Variants in AGBL4 observed in about 807,000 individuals in gnomAD.
AGBL4 encodes AGBL carboxypeptidase 4.
In AGBL4, 58 loss-of-function variants were observed where a neutral mutation model predicts 66.4. The ratio of observed to expected loss-of-function variants is 0.87; its 90% CI spans 0.71 to 1.09. The LOEUF is 1.09. Among genes scored for constraint, AGBL4 ranks in the 50% least tolerant of loss-of-function variants. AGBL4 has a pLI of 0.00. For synonymous variants in AGBL4, 234 were observed against 222.9 expected (o/e 1.05, Z -0.44); for missense variants, 579 against 631.0 (o/e 0.92, Z 0.88).
intron 4 of AGBL4, among the ~76,000 whole-genome samples, chr1:49,231,631 C>A (rs1650317352): frequency 6.6e-6 from 1 of 152,176 alleles, no homozygotes; most frequent in African/African-American, 2.4e-5. Flanking sequence ...GGTGCACATA[C>A]ACATTACTCA....
At chr1:49,944,768 T>C (rs917189773) in intron 1 of AGBL4, among the ~76,000 whole-genome samples, 1 of 150,758 alleles carries the variant, frequency 6.6e-6, no homozygotes, top group South Asian at 2.1e-4. Context: ...ATAAAGGAGG[T>C]ACCAGAAAAA....
At chr1:49,135,277 T>A (rs1163770629) in intron 4 of AGBL4, among the ~76,000 whole-genome samples, 1 of 152,106 alleles carries the variant, frequency 6.6e-6, no homozygotes, top group Non-Finnish European at 1.5e-5. Flanking sequence ...TATGAAAAAA[T>A]TGTTTTAAAA....
intron 6 of AGBL4, among the ~76,000 whole-genome samples, chr1:48,684,579 C>T (rs1174510043): frequency 1.3e-5 from 2 of 152,224 alleles, no homozygotes; most frequent in South Asian, 4.1e-4. Context: ...CTTGGAAGCC[C>T]GGAAGAAGGA....
In AGBL4 at chr1:49,948,025, T is replaced by A. The variant is rs1278091479; in HGVS notation, c.34+75738A>T. On this transcript the variant is annotated intron_variant, in intron 1 of 13. Transcript: ENST00000371839. The stretch of plus-strand genomic sequence containing the variant: ...ATATATATAAATATATAAATATATA[T>A]AAATATATATACATATAAATATATA... Among the ~76,000 whole-genome samples the A allele has an allele frequency of 2.2e-3, 145 of 65,338 alleles. 4 individuals carry two copies. The highest frequency in any genetic ancestry group is 0.011 in the African/African-American group (131 of 12,420). 42.9% of individuals were successfully genotyped at this position (65,338 alleles called of 152,430 possible). A position where few individuals can be genotyped will look rare whatever the true frequency, so the allele number is the denominator to read the frequency against.
chr1:49,964,031 C>T (rs1341517434), intron 1 of AGBL4, among the ~76,000 whole-genome samples: 7 of 152,114 alleles, frequency 4.6e-5, no homozygotes, highest in South Asian at 2.1e-4. Flanking sequence ...AAAGAAAAGG[C>T]TAACTTCAAG....
intron 3 of AGBL4, among the ~76,000 whole-genome samples, chr1:49,518,744 G>T (rs1264661930): frequency 6.6e-6 from 1 of 152,078 alleles, no homozygotes; most frequent in Non-Finnish European, 1.5e-5. Context: ...TCATTCTCAT[G>T]ATTAAAAGAT....
At chr1:49,496,732 T>C (rs1647618059) in intron 3 of AGBL4, among the ~76,000 whole-genome samples, 1 of 152,094 alleles carries the variant, frequency 6.6e-6, no homozygotes, top group African/African-American at 2.4e-5. Context: ...TAGTATTCCA[T>C]TGTGTATGTA....
intron 6 of AGBL4, among the ~76,000 whole-genome samples, chr1:48,705,401 A>G (rs1229276849): frequency 3.3e-5 from 5 of 152,218 alleles, no homozygotes; most frequent in African/African-American, 9.7e-5. Context: ...TGCAACTTAC[A>G]AGAGATAAAT....
intron 1 of AGBL4, among the ~76,000 whole-genome samples, chr1:49,878,072 A>G (rs906238361): frequency 1.8e-4 from 27 of 150,940 alleles, no homozygotes; most frequent in Admixed American, 1.3e-3. Context: ...TAGTCTTGCT[A>G]GCGGTCTATC....
chr1:48,691,197 A>C (rs1249546390), intron 6 of AGBL4, among the ~76,000 whole-genome samples: 1 of 149,318 alleles, frequency 6.7e-6, no homozygotes, highest in Non-Finnish European at 1.5e-5. Flanking sequence ...GTGTATATAT[A>C]TATATTACAT....
chr1:49,881,718 A>G (rs1244142732), intron 1 of AGBL4, among the ~76,000 whole-genome samples: 2 of 150,800 alleles, frequency 1.3e-5, no homozygotes, highest in Non-Finnish European at 2.9e-5. Flanking sequence ...TCCCTCGCCC[A>G]CTTTTTGATG....
At chr1:48,776,154 C>G (rs1265217582) in intron 6 of AGBL4, among the ~76,000 whole-genome samples, 1 of 151,982 alleles carries the variant, frequency 6.6e-6, no homozygotes, top group African/African-American at 2.4e-5. Flanking sequence ...CAAGGAGGTA[C>G]CAACAGCCTT....
intron 2 of AGBL4, among the ~76,000 whole-genome samples, chr1:49,741,325 C>T (rs752182493): frequency 6.6e-5 from 10 of 152,146 alleles, no homozygotes; most frequent in African/African-American, 9.7e-5. Context: ...TTCCTCAACA[C>T]ATACACCCTC....
intron 3 of AGBL4, among the ~76,000 whole-genome samples, chr1:49,352,834 A>C (rs1643938659): frequency 6.6e-6 from 1 of 152,236 alleles, no homozygotes; most frequent in African/African-American, 2.4e-5. Context: ...TATTTTACAG[A>C]TGAGGCTAAG....
intron 3 of AGBL4, among the ~76,000 whole-genome samples, chr1:49,550,225 T>C (rs1266178535): frequency 6.6e-6 from 1 of 152,232 alleles, no homozygotes; most frequent in Non-Finnish European, 1.5e-5. Flanking sequence ...TGAGTTCTTA[T>C]CCATTCAGAA....
At chr1:48,670,662 G>A (rs1278508539) in intron 6 of AGBL4, among the ~76,000 whole-genome samples, 1 of 152,230 alleles carries the variant, frequency 6.6e-6, no homozygotes, top group Non-Finnish European at 1.5e-5. Flanking sequence ...CTGGGAGCAG[G>A]TAGGCAGCCT....
At chr1:48,557,959 G>A (rs763337295) in intron 11 of AGBL4, among the ~76,000 whole-genome samples, 2 of 152,056 alleles carry the variant, frequency 1.3e-5, no homozygotes, top group Non-Finnish European at 2.9e-5. Context: ...CTCCATCCTT[G>A]TTTCCCTAGC....
chr1:49,553,479 AAT>A (rs1653134879), intron 3 of AGBL4, among the ~76,000 whole-genome samples: 1 of 152,154 alleles, frequency 6.6e-6, no homozygotes, highest in South Asian at 2.1e-4. Context: ...GGTAGTCTAT[AAT>A]AGTTTTTGTT....
chr1:48,571,775 G>A (rs541467127), intron 11 of AGBL4, among the ~76,000 whole-genome samples: 21 of 152,244 alleles, frequency 1.4e-4, no homozygotes, highest in African/African-American at 4.1e-4. Context: ...TGTGGGCCTC[G>A]GGAGATTACT....
Sources: gnomAD v4.1 joint callset for allele counts (sites outside exome capture counted in the v4.1 genomes callset) on GRCh38, gnomAD v4.1.1 for gene constraint, MANE v1.5 for transcripts, NCBI Gene and HGNC (gene_info 2026-07-23, HGNC 2026-07-21) for gene names.